LPP: variants seen among roughly 807,000 people sequenced by gnomAD.
LPP encodes lipoma-preferred partner.
Under a neutral mutation model 60.4 loss-of-function variants are expected in LPP, and 38 were observed. The ratio of observed to expected loss-of-function variants is 0.63; its 90% confidence interval spans 0.49 to 0.83. The LOEUF (loss-of-function observed/expected upper bound fraction) is 0.83. Among genes scored for constraint, LPP ranks in the 40% least tolerant of loss-of-function variants. LPP has a pLI of 0.00. For synonymous variants in LPP, 328 were observed against 290.8 expected (o/e 1.13, Z -1.30); for missense variants, 902 against 783.6 (o/e 1.15, Z -1.80).
intron 7 of LPP, among the ~76,000 whole-genome samples, chr3:188,661,266 GT>G: frequency 6.6e-6 from 1 of 152,254 alleles, no homozygotes; most frequent in Admixed American, 6.5e-5. Flanking sequence ...TTGTTTCCAA[GT>G]TTTGGCAATT....
intron 8 of LPP, among the ~76,000 whole-genome samples, chr3:188,738,342 A>T (rs1027673026): frequency 1.3e-5 from 2 of 152,170 alleles, no homozygotes; most frequent in Non-Finnish European, 2.9e-5. Context: ...TAATTTCCTC[A>T]GCAACTCTAA....
Position 188,690,718 on chromosome 3 carries a change from AG to A in LPP, c.1114-17545del, listed in dbSNP as rs1443865023. Among the ~76,000 whole-genome samples the A allele has an allele frequency of 8.7e-4, 132 of 152,286 alleles. 3 individuals are homozygous for A. The highest frequency in any genetic ancestry group is 8.6e-3 in the Admixed American group (132 of 15,282). On this transcript the variant is annotated intron_variant, in intron 7 of 11. Coordinates refer to ENST00000617246, the MANE Select transcript of LPP (RefSeq NM_001375462.1). ...CTTTCCACATTCTTCTTCTTCTTTT[AG>A]GGGTAGTTTGGTAGTTAAGAACACA...
intron 5 of LPP, among the ~76,000 whole-genome samples, chr3:188,490,565 C>T (rs1808028382): frequency 6.6e-6 from 1 of 151,518 alleles, no homozygotes; most frequent in Admixed American, 6.6e-5. Flanking sequence ...GGTTTCGCCA[C>T]ACAGGCCAGT....
rs200607404 is a variant in LPP at position 188,880,373 on chromosome 3, CA to C, written c.*5902del. ...GATTGACAGGTCCCCTTCAAAGTTA[CA>C]AAAAAAAGTGCTAATTTTTGCTGTT... is the stretch of plus-strand genomic sequence containing the variant. On this transcript the variant is annotated 3_prime_UTR_variant, in exon 12 of 12. Transcript: ENST00000617246. 9 of 183,030 alleles carry C rather than the reference CA, an allele frequency of 4.9e-5. No homozygotes were observed. The highest frequency in any genetic ancestry group is 8.1e-5 in the Non-Finnish European group (7 of 86,356). 11.3% of individuals were successfully genotyped at this position (183,030 alleles called of 1,614,324 possible). A position where few individuals can be genotyped will look rare whatever the true frequency, so the allele number is the denominator to read the frequency against.
At chr3:188,815,437 T>A (rs1186294351) in intron 9 of LPP, among the ~76,000 whole-genome samples, 1 of 152,162 alleles carries the variant, frequency 6.6e-6, no homozygotes, top group Non-Finnish European at 1.5e-5. Flanking sequence ...CTTAGACTCA[T>A]TTCCTTTCTG....
intron 6 of LPP, among the ~76,000 whole-genome samples, chr3:188,592,557 G>GTTTTTTGTTTTTTTTTTTTT (rs1553936333): frequency 1.2e-5 from 1 of 85,756 alleles, no homozygotes; most frequent in African/African-American, 4.5e-5. Context: ...TTTTGTTTTT[G>GTTTTTTGTTTTTTTTTTTTT]TTTTTTAAAT....
intron 7 of LPP, among the ~76,000 whole-genome samples, chr3:188,679,704 A>G (rs1859043385): frequency 6.6e-6 from 1 of 152,228 alleles, no homozygotes; most frequent in Admixed American, 6.5e-5. Flanking sequence ...TCCATCAGAG[A>G]CAAAATTAAT....
chr3:188,337,588 GT>G (rs1405739103), intron 2 of LPP, among the ~76,000 whole-genome samples: 5 of 152,106 alleles, frequency 3.3e-5, no homozygotes, highest in Non-Finnish European at 7.4e-5. Flanking sequence ...GCTATCCAGG[GT>G]TTCTGTTACT....
In LPP at chr3:188,491,362, A is replaced by G. The variant is rs142326067; in HGVS notation, c.306+6658A>G. 4.4e-3 allele frequency among the ~76,000 whole-genome samples: 668 copies of G among 152,348 alleles called. 7 individuals are homozygous for G. The highest frequency in any genetic ancestry group is 0.015 in the African/African-American group (629 of 41,586). ...ACAGTGTTGCCAGGGCAAAAACAAC[A>G]TGGTCAGCAAGAGCTTTAATGTATT... On this transcript the variant is annotated intron_variant, in intron 5 of 11. Coordinates refer to ENST00000617246, the MANE Select transcript of LPP (RefSeq NM_001375462.1).
intron 2 of LPP, among the ~76,000 whole-genome samples, chr3:188,339,255 T>TG (rs1762437059): frequency 1.3e-5 from 2 of 152,168 alleles, no homozygotes; most frequent in African/African-American, 4.8e-5. Context: ...GATGTCTGTA[T>TG]GGAATTATGG....
chr3:188,580,948 T>A (rs948798912), intron 6 of LPP, among the ~76,000 whole-genome samples: 14 of 152,148 alleles, frequency 9.2e-5, no homozygotes, highest in African/African-American at 3.4e-4. Context: ...TTCCAAGACC[T>A]TTCAACTGAT....
intron 7 of LPP, among the ~76,000 whole-genome samples, chr3:188,674,461 T>A (rs139045734): frequency 6.6e-6 from 1 of 152,320 alleles, no homozygotes; most frequent in Non-Finnish European, 1.5e-5. Context: ...CCTTTAAATC[T>A]TTTAGCATAC....
At chr3:188,732,461 A>C (rs1720956635) in intron 8 of LPP, among the ~76,000 whole-genome samples, 2 of 152,168 alleles carry the variant, frequency 1.3e-5, no homozygotes, top group African/African-American at 4.8e-5. Flanking sequence ...AATATTGGTC[A>C]AAAAAGAATA....
At chr3:188,636,401 G>A (rs1413493271) in intron 7 of LPP, among the ~76,000 whole-genome samples, 1 of 152,162 alleles carries the variant, frequency 6.6e-6, no homozygotes, top group African/African-American at 2.4e-5. Flanking sequence ...TGCTCGGAGG[G>A]TCCTACCCCA....
At chr3:188,343,255 A>G (rs1166925076) in intron 3 of LPP, among the ~76,000 whole-genome samples, 2 of 152,166 alleles carry the variant, frequency 1.3e-5, no homozygotes, top group Non-Finnish European at 2.9e-5. Context: ...GAGTGAGAAC[A>G]TGCGGTGTTT....
At chr3:188,775,061 T>TTG (rs1034715831) in intron 9 of LPP, among the ~76,000 whole-genome samples, 1 of 151,566 alleles carries the variant, frequency 6.6e-6, no homozygotes. Context: ...TAGTGTTTTT[T>TTG]TTTTTTTTTT....
chr3:188,876,745 C>T lies in LPP; in HGVS notation c.*2266C>T. On this transcript the variant is annotated 3_prime_UTR_variant, in exon 12 of 12. Transcript: ENST00000617246. ...AGTGGTCATATTATTATTAATTTTG[C>T]CAAAAGAAGAAGAATTTATTGAATA... 5.4e-6 allele frequency: 1 copy of T among 186,518 alleles called. No individual in the cohort carries two copies. Among genetic ancestry groups the T allele is most frequent in the East Asian group, 8.7e-5 (1 of 11,526 alleles). 11.6% of individuals were successfully genotyped at this position (186,518 alleles called of 1,614,324 possible).
chr3:188,741,681 C>T (rs1254163560), intron 8 of LPP, among the ~76,000 whole-genome samples: 3 of 151,430 alleles, frequency 2.0e-5, no homozygotes, highest in Admixed American at 6.6e-5. Context: ...AAAGCTAAAT[C>T]TATAAAACTT....
intron 9 of LPP, among the ~76,000 whole-genome samples, chr3:188,857,986 A>G (rs1764242801): frequency 6.6e-6 from 1 of 152,226 alleles, no homozygotes; most frequent in Admixed American, 6.5e-5. Context: ...CGCTTTGATA[A>G]TATGTGAACT....
Sources: allele counts gnomAD v4.1 joint callset (sites outside exome capture counted in the v4.1 genomes callset), GRCh38; gene constraint gnomAD v4.1.1; transcripts MANE v1.5; gene names NCBI Gene and HGNC (gene_info 2026-07-23, HGNC 2026-07-21).